SGCZ: variants seen among roughly 807,000 people sequenced by gnomAD.
SGCZ encodes the protein zeta-sarcoglycan.
SGCZ carries 40 observed loss-of-function variants against 41.3 expected under a neutral mutation model. The observed-to-expected ratio is 0.97, with a 90% CI of 0.75 to 1.26. SGCZ has a LOEUF of 1.26. Among genes scored for constraint, SGCZ ranks in the 50% most tolerant of loss-of-function variants. The probability of loss-of-function intolerance (pLI) is 0.00; values close to 1 mark genes in which losing one functional copy is unlikely to be tolerated. For synonymous variants in SGCZ, 206 were observed against 137.5 expected, an observed-to-expected ratio of 1.50 and a Z score of -3.49; for missense variants, 552 against 369.8, an observed-to-expected ratio of 1.49 and a Z score of -4.04.
chr8:15,127,149 A>G (rs1429944752), intron 1 of SGCZ, among the ~76,000 whole-genome samples: 2 of 152,146 alleles, frequency 1.3e-5, no homozygotes, highest in Non-Finnish European at 2.9e-5. Flanking sequence ...TTTAAGAACT[A>G]TAGGGTAGTC....
At chr8:14,269,955 A>G (rs936721448) in intron 3 of SGCZ, among the ~76,000 whole-genome samples, 13 of 152,206 alleles carry the variant, frequency 8.5e-5, no homozygotes, top group African/African-American at 2.4e-4. Flanking sequence ...TTTAAACACC[A>G]TATAAGGTAA....
chr8:14,717,708 C>A (rs926276184), intron 1 of SGCZ, among the ~76,000 whole-genome samples: 1 of 152,088 alleles, frequency 6.6e-6, no homozygotes, highest in East Asian at 1.9e-4. Flanking sequence ...TCATTCTGCA[C>A]TGGGCCTCAC....
chr8:14,213,994 T>C (rs1805906739), intron 4 of SGCZ, among the ~76,000 whole-genome samples: 2 of 151,760 alleles, frequency 1.3e-5, no homozygotes, highest in Non-Finnish European at 2.9e-5. Flanking sequence ...GTTCAACATG[T>C]TAACTTTTTT....
chr8:14,977,514 T>G (rs1801516369), intron 1 of SGCZ, among the ~76,000 whole-genome samples: 3 of 152,214 alleles, frequency 2.0e-5, no homozygotes, highest in African/African-American at 4.8e-5. Context: ...TTCTTACATT[T>G]TAACAAAGAG....
intron 1 of SGCZ, among the ~76,000 whole-genome samples, chr8:15,172,250 C>T (rs1421756563): frequency 3.3e-4 from 49 of 147,262 alleles, no homozygotes; most frequent in Admixed American, 1.3e-3. Context: ...CAAGCTCCGC[C>T]TCCCGGGTTC....
chr8:14,548,631 T>C (rs1803704699), intron 2 of SGCZ, among the ~76,000 whole-genome samples: 1 of 152,134 alleles, frequency 6.6e-6, no homozygotes. Context: ...ATAAAGTTTC[T>C]CCCATTTTCT....
chr8:14,965,483 G>A (rs1327464541), intron 1 of SGCZ, among the ~76,000 whole-genome samples: 1 of 152,086 alleles, frequency 6.6e-6, no homozygotes, highest in Non-Finnish European at 1.5e-5. Context: ...ACTTTAAAAT[G>A]TAGAATTTTA....
chr8:14,101,290 G>A lies in SGCZ; in HGVS notation c.744+1086C>T, dbSNP rs549095171. On this transcript the variant is annotated intron_variant, in intron 7 of 7. Coordinates refer to ENST00000382080, the MANE Select transcript of SGCZ (RefSeq NM_139167.4). Reference sequence around the variant, plus strand: ...TAAGAGAAAGAAACTGGGAAGGAGAGGGTAAGAGATGTGGAAGGTGTGAAA... The same window carrying A: ...TAAGAGAAAGAAACTGGGAAGGAGAAGGTAAGAGATGTGGAAGGTGTGAAA... Among the ~76,000 whole-genome samples, 76 of 122,940 alleles carry A rather than the reference G, an allele frequency of 6.2e-4. 1 individual carries two copies. Among genetic ancestry groups the A allele is most frequent in the African/African-American group, 1.8e-3 (71 of 39,616 alleles). 80.7% of individuals were successfully genotyped at this position (122,940 alleles called of 152,430 possible).
intron 1 of SGCZ, among the ~76,000 whole-genome samples, chr8:15,205,558 C>A (rs969774910): frequency 6.6e-6 from 1 of 151,972 alleles, no homozygotes; most frequent in African/African-American, 2.4e-5. Context: ...AGAGAGATAC[C>A]ATCTCATACC....
intron 2 of SGCZ, among the ~76,000 whole-genome samples, chr8:14,552,064 G>C (rs992779203): frequency 7.7e-6 from 1 of 130,008 alleles, no homozygotes; most frequent in Non-Finnish European, 1.7e-5. Flanking sequence ...TAGATCAATA[G>C]TACTCCCCAA....
At chr8:14,095,785 G>A (rs1472603725) in intron 7 of SGCZ, among the ~76,000 whole-genome samples, 2 of 152,146 alleles carry the variant, frequency 1.3e-5, no homozygotes, top group Admixed American at 6.5e-5. Context: ...TCCCTGAGCA[G>A]TGGCTTGTAG....
chr8:14,898,056 T>G (rs1477721515), intron 1 of SGCZ, among the ~76,000 whole-genome samples: 4 of 152,090 alleles, frequency 2.6e-5, no homozygotes, highest in Non-Finnish European at 5.9e-5. Flanking sequence ...ATGTTTATAC[T>G]GGGCCATCCA....
intron 1 of SGCZ, among the ~76,000 whole-genome samples, chr8:14,678,450 T>C (rs371660581): frequency 6.6e-6 from 1 of 152,280 alleles, no homozygotes; most frequent in African/African-American, 2.4e-5. Context: ...CCACATTATA[T>C]ATCATCAGGG....
chr8:14,983,066 G>A (rs1009949546), intron 1 of SGCZ, among the ~76,000 whole-genome samples: 3 of 152,154 alleles, frequency 2.0e-5, no homozygotes, highest in Non-Finnish European at 4.4e-5. Flanking sequence ...ACCTCAAGGG[G>A]TTGTTCTGGG....
intron 2 of SGCZ, among the ~76,000 whole-genome samples, chr8:14,437,258 C>T (rs972033489): frequency 3.9e-5 from 6 of 151,948 alleles, no homozygotes; most frequent in Non-Finnish European, 7.4e-5. Context: ...GAAACCAATT[C>T]GAAAATATTT....
chr8:15,108,567 T>C (rs539384133), intron 1 of SGCZ, among the ~76,000 whole-genome samples: 3 of 152,334 alleles, frequency 2.0e-5, no homozygotes, highest in South Asian at 2.1e-4. Context: ...GGGTTTTCAA[T>C]ACATTTGATT....
intron 4 of SGCZ, among the ~76,000 whole-genome samples, chr8:14,169,566 T>A (rs965155793): frequency 2.6e-5 from 4 of 152,156 alleles, no homozygotes; most frequent in Non-Finnish European, 4.4e-5. Flanking sequence ...CCTCTGCTGC[T>A]TCCTACCTCC....
rs1209887011 is a variant in SGCZ at position 15,202,266 on chromosome 8, T to TGAATAAAGAAAATGTGGTA, written c.39+35300_39+35318dup. On this transcript the variant is annotated intron_variant, in intron 1 of 7. Transcript: ENST00000382080. The stretch of plus-strand genomic sequence containing the variant: ...GGCCAAATGCTCATGAATCAATGAG[T>TGAATAAAGAAAATGTGGTA]GAATAAAGAAAATGTGGTAGAATAA... Among the ~76,000 whole-genome samples, 3 of 151,842 alleles carry TGAATAAAGAAAATGTGGTA rather than the reference T, an allele frequency of 2.0e-5. No individual in the cohort carries two copies. In the East Asian group the frequency reaches 5.8e-4, roughly 29 times the overall value.
intron 2 of SGCZ, among the ~76,000 whole-genome samples, chr8:14,506,413 T>G (rs925170036): frequency 6.6e-6 from 1 of 151,938 alleles, no homozygotes; most frequent in African/African-American, 2.4e-5. Flanking sequence ...TATCATCATT[T>G]CCCCTCTCTA....
Sources: gnomAD v4.1 joint callset for allele counts (sites outside exome capture counted in the v4.1 genomes callset) on GRCh38, gnomAD v4.1.1 for gene constraint, MANE v1.5 for transcripts, NCBI Gene and HGNC (gene_info 2026-07-23, HGNC 2026-07-21) for gene names.